The following AHRR variants were observed in gnomAD, a reference collection of about 807,000 sequenced individuals.
AHRR encodes aryl hydrocarbon receptor repressor, also known as ahR repressor.
A neutral mutation model predicts 44.0 loss-of-function variants in AHRR; 28 were observed. The ratio of observed to expected loss-of-function variants is 0.64; its 90% CI spans 0.47 to 0.87. The LOEUF (loss-of-function observed/expected upper bound fraction) is 0.87. Ranked by LOEUF, AHRR falls within the 40% of genes least tolerant of loss-of-function variation. The pLI is 0.00. For synonymous variants in AHRR, 434 were observed against 407.0 expected (o/e 1.07, Z -0.80); for missense variants, 990 against 953.9 (o/e 1.04, Z -0.50).
intron 3 of AHRR, chr5:367,863 A>G (rs1357817027): frequency 1.4e-6 from 1 of 702,594 alleles, no homozygotes; most frequent in Non-Finnish European, 2.6e-6. Context: ...CGGGCGAACG[A>G]AGGCCCATGT....
At chr5:376,548 A>AGTAATGAGAACCGTGGGG in intron 3 of AHRR, 62 bp from the exon 4 acceptor site, 1 of 1,416,504 alleles carries the variant, frequency 7.1e-7, no homozygotes, top group South Asian at 1.4e-5. Context: ...AAAGATGTGA[A>AGTAATGAGAACCGTGGGG]TGAAGAAGAG....
intron 8 of AHRR, among the ~76,000 whole-genome samples, chr5:431,798 A>G (rs969288176): frequency 6.6e-6 from 1 of 152,144 alleles, no homozygotes; most frequent in South Asian, 2.1e-4. Context: ...GCAGCCATTC[A>G]TGGACATAGA....
At chr5:403,781 A>T (rs1735135373) in intron 4 of AHRR, 1 of 1,532,288 alleles carries the variant, frequency 6.5e-7, no homozygotes, top group Non-Finnish European at 9.0e-7. Flanking sequence ...TCTTTGTTCA[A>T]AGGGTCTCTT....
chr5:345,411 G>A (rs1408194262), intron 2 of AHRR, among the ~76,000 whole-genome samples: 3 of 102,536 alleles, frequency 2.9e-5, no homozygotes. Context: ...GATGTCCCTG[G>A]CTGTGTGTGT....
chr5:385,698 TATG>T (rs996014340), intron 4 of AHRR, among the ~76,000 whole-genome samples: 2 of 152,244 alleles, frequency 1.3e-5, no homozygotes, highest in African/African-American at 4.8e-5. Flanking sequence ...GATGCTTAAT[TATG>T]ATGTATCTGA....
chr5:423,854 C>G lies in AHRR; in HGVS notation c.585C>G (p.Ile195Met). The G allele has an allele frequency of 6.2e-7, 1 of 1,605,010 alleles. No homozygotes were observed. The change falls in exon 7 of 11, where the codon ATC (isoleucine) becomes ATG (methionine). Residue 195 changes from isoleucine (I) to methionine (M), a missense_variant. Physicochemically the swap from Ile to Met is conservative, Grantham distance 10. Transcript: ENST00000684583. Reference sequence around the variant, plus strand: ...TATGGTCTGCAGGAGATGATGCTATCCTGGGGAGGCTGCTCAGGGCCCAGG... The same window carrying G: ...TATGGTCTGCAGGAGATGATGCTATGCTGGGGAGGCTGCTCAGGGCCCAGG... ...PPPLETGDDAILGRLLRAQEW... is the reference protein window; with the variant it reads ...PPPLETGDDAMLGRLLRAQEW...
Position 411,867 on chromosome 5 carries a change from C to T in AHRR, c.352-1477C>T, listed in dbSNP as rs536885734. ...GTGTCCAGGTGACTCAGCCCCCTCACCCCCAGCTTCTACCTCGTGTGGGAT... is the reference window on the plus strand; with the variant it reads ...GTGTCCAGGTGACTCAGCCCCCTCATCCCCAGCTTCTACCTCGTGTGGGAT... On this transcript the variant is annotated intron_variant, in intron 4 of 10. Transcript: ENST00000684583. This position sits in a 1 kb window ranked among gnomAD's most constrained non-coding sequence, Gnocchi z 4.2. Among the ~76,000 whole-genome samples, 1 of 152,180 alleles carries T rather than the reference C, an allele frequency of 6.6e-6. No individual in the cohort carries two copies. The highest frequency in any genetic ancestry group is 2.4e-5 in the African/African-American group (1 of 41,442).
intron 1 of AHRR, among the ~76,000 whole-genome samples, chr5:341,036 G>A (rs1742332062): frequency 6.8e-6 from 1 of 147,056 alleles, no homozygotes; most frequent in African/African-American, 2.5e-5. Context: ...TTTTTTTTAG[G>A]CCAAATCTCG....
chr5:407,513 T>C (rs577757747), intron 4 of AHRR, among the ~76,000 whole-genome samples: 15 of 152,328 alleles, frequency 9.8e-5, no homozygotes, highest in Admixed American at 3.9e-4. Flanking sequence ...GTTAATTTTG[T>C]ACTGAATTAT....
intron 7 of AHRR, among the ~76,000 whole-genome samples, chr5:426,854 T>C (rs954981303): frequency 7.6e-6 from 1 of 132,120 alleles, no homozygotes; most frequent in African/African-American, 2.6e-5. Flanking sequence ...GATAGATGGA[T>C]GGATGGGTGG....
chr5:396,688 G>T (rs1213006411), intron 4 of AHRR, among the ~76,000 whole-genome samples: 1 of 152,156 alleles, frequency 6.6e-6, no homozygotes, highest in East Asian at 1.9e-4. Context: ...ATAAATAAAG[G>T]TATGGCCAGA....
intron 3 of AHRR, among the ~76,000 whole-genome samples, chr5:365,547 A>G (rs74533118): frequency 0.025 from 3,838 of 152,242 alleles, 69 homozygotes; most frequent in Middle Eastern, 0.062. Flanking sequence ...TTAATTAAGT[A>G]GTTCTGATAA....
chr5:330,666 C>T (rs552410915), intron 1 of AHRR, among the ~76,000 whole-genome samples: 13 of 151,672 alleles, frequency 8.6e-5, no homozygotes, highest in South Asian at 6.3e-4. Context: ...CACTGTGCGC[C>T]GCGGAGGATT....
chr5:426,167 G>A (rs1736377960), intron 7 of AHRR, among the ~76,000 whole-genome samples: 1 of 152,206 alleles, frequency 6.6e-6, no homozygotes, highest in Non-Finnish European at 1.5e-5. Flanking sequence ...CTACACAGCA[G>A]GTGTTTATTA....
At chr5:386,788 C>T (rs1013865825) in intron 4 of AHRR, among the ~76,000 whole-genome samples, 2 of 152,048 alleles carry the variant, frequency 1.3e-5, no homozygotes, top group African/African-American at 4.8e-5. Context: ...TCACCTGTGC[C>T]CTGAGGCTCT....
At chr5:365,360 C>A (rs910282467) in intron 3 of AHRR, among the ~76,000 whole-genome samples, 2 of 152,026 alleles carry the variant, frequency 1.3e-5, no homozygotes, top group Middle Eastern at 3.2e-3. Flanking sequence ...AACTTGAAAA[C>A]CCGTATAGTT....
At chr5:397,801 C>T (rs62331584) in intron 4 of AHRR, among the ~76,000 whole-genome samples, 10 of 105,264 alleles carry the variant, frequency 9.5e-5, no homozygotes, top group East Asian at 6.2e-4. Context: ...TCCACGTAGC[C>T]CCTGACCGTC....
chr5:360,088 C>A (rs1247992399), intron 3 of AHRR, among the ~76,000 whole-genome samples: 2 of 152,056 alleles, frequency 1.3e-5, no homozygotes. Flanking sequence ...GTAGGTGGGT[C>A]CGCTTAGGAA....
At chr5:427,095 G>GTGGA (rs1038112185) in intron 7 of AHRR, among the ~76,000 whole-genome samples, 6 of 151,818 alleles carry the variant, frequency 4.0e-5, no homozygotes, top group Admixed American at 2.0e-4. Context: ...AGATAGATTG[G>GTGGA]TGGATGGATG....
Sources: allele counts gnomAD v4.1 joint callset (sites outside exome capture counted in the v4.1 genomes callset), GRCh38; gene constraint gnomAD v4.1.1; non-coding constraint Gnocchi (gnomAD v3.1); transcripts MANE v1.5; gene names NCBI Gene and HGNC (gene_info 2026-07-23, HGNC 2026-07-21).